The following USP15 variants were observed in gnomAD, a reference collection of about 807,000 sequenced individuals.
USP15 encodes ubiquitin specific peptidase 15.
USP15 carries 18 observed loss-of-function variants against 127.1 expected under a neutral mutation model. That is an observed-to-expected ratio of 0.14 (90% CI 0.10 to 0.21). The LOEUF is 0.21. USP15 is among the 10% of genes least tolerant of loss of function. The pLI is 1.00. For synonymous variants in USP15, 364 were observed against 393.7 expected, an observed-to-expected ratio of 0.92 and a Z score of 0.89; for missense variants, 805 against 1,159.9, an observed-to-expected ratio of 0.69 and a Z score of 4.44.
At chr12:62,285,282 G>C (rs1476752650) in intron 1 of USP15, among the ~76,000 whole-genome samples, 1 of 152,020 alleles carries the variant, frequency 6.6e-6, no homozygotes, top group Non-Finnish European at 1.5e-5. Flanking sequence ...TCCAATGTCT[G>C]TTATTCACGC....
chr12:62,404,573 A>G lies in USP15; in HGVS notation c.*198A>G. ...AAACTTTAACAGAAATTGTCTCTTA[A>G]TACATTTACAGTCTTGTATTTACAA... is the stretch of plus-strand genomic sequence containing the variant. On this transcript the variant is annotated 3_prime_UTR_variant, in exon 22 of 22. Coordinates refer to ENST00000280377, the MANE Select transcript of USP15 (RefSeq NM_001252078.2). 1.7e-6 allele frequency: 1 copy of G among 593,804 alleles called. No individual in the cohort carries two copies. Among genetic ancestry groups the G allele is most frequent in the Non-Finnish European group, 2.5e-6 (1 of 403,722 alleles). 36.8% of individuals were successfully genotyped at this position (593,804 alleles called of 1,614,324 possible).
chr12:62,292,905 G>C (rs1257293554), intron 1 of USP15, among the ~76,000 whole-genome samples: 2 of 152,304 alleles, frequency 1.3e-5, no homozygotes, highest in Admixed American at 1.3e-4. Context: ...CCTGCTGAGT[G>C]GGTGCTGGGG....
At chr12:62,351,543 G>A (rs1227307690) in intron 7 of USP15, among the ~76,000 whole-genome samples, 1 of 151,826 alleles carries the variant, frequency 6.6e-6, no homozygotes, top group Non-Finnish European at 1.5e-5. Flanking sequence ...TTACCATATT[G>A]GTATGAGTGG....
chr12:62,331,704 C>G (rs2137329204), intron 6 of USP15, among the ~76,000 whole-genome samples: 1 of 152,066 alleles, frequency 6.6e-6, no homozygotes, highest in East Asian at 1.9e-4. Context: ...TTTTGGGCTC[C>G]TTGAGAAGAA....
rs34633189 is a variant in USP15, at chr12:62,355,343, A to G, written c.783A>G (p.Ser261=). ...NNMNNRNVKN[S]NYCLPSYTAY... Reference sequence around the variant, plus strand: ...TTTTTTCTTCCAGTGTGAAAAACTCAAATTACTGTCTTCCATCATATACCG... The same window carrying G: ...TTTTTTCTTCCAGTGTGAAAAACTCGAATTACTGTCTTCCATCATATACCG... The change falls in exon 8 of 22, where the codon TCA becomes TCG. Residue 261 remains serine (S), a synonymous_variant. Coordinates refer to ENST00000280377, the MANE Select transcript of USP15 (RefSeq NM_001252078.2). 1 of 1,588,728 alleles carries G rather than the reference A, an allele frequency of 6.3e-7. No individual in the cohort carries two copies. Among genetic ancestry groups the G allele is most frequent in the Non-Finnish European group, 8.5e-7 (1 of 1,170,930 alleles).
chr12:62,271,601 C>T (rs140277019), intron 1 of USP15, among the ~76,000 whole-genome samples: 10 of 151,880 alleles, frequency 6.6e-5, no homozygotes, highest in Admixed American at 2.6e-4. Context: ...CTAATTCTCC[C>T]GGTGTAGAAA....
chr12:62,269,679 C>A (rs1010798418), intron 1 of USP15, among the ~76,000 whole-genome samples: 2 of 152,040 alleles, frequency 1.3e-5, no homozygotes, highest in African/African-American at 2.4e-5. Context: ...CCTTAGTCTT[C>A]CAAAGTGTTG....
At chr12:62,346,194 A>G (rs1354818827) in intron 6 of USP15, among the ~76,000 whole-genome samples, 1 of 152,210 alleles carries the variant, frequency 6.6e-6, no homozygotes, top group Non-Finnish European at 1.5e-5. Context: ...GCTTTATGCA[A>G]ACTTCCCAGT....
chr12:62,405,920 T>C lies in USP15; in HGVS notation c.*1545T>C, dbSNP rs1258917724. On this transcript the variant is annotated 3_prime_UTR_variant, in exon 22 of 22. Transcript: ENST00000280377. Reference sequence around the variant, plus strand: ...GTTGATCATGGCTTTGCTTTATATCTTGATATTAAAGCTGGTTTATCATCC... The same window carrying C: ...GTTGATCATGGCTTTGCTTTATATCCTGATATTAAAGCTGGTTTATCATCC... 6.6e-6 allele frequency: 1 copy of C among 152,420 alleles called. No homozygotes were observed. Among genetic ancestry groups the C allele is most frequent in the East Asian group, 1.9e-4 (1 of 5,204 alleles). 9.4% of individuals were successfully genotyped at this position (152,420 alleles called of 1,614,324 possible). A position where few individuals can be genotyped will look rare whatever the true frequency, so the allele number is the denominator to read the frequency against.
intron 4 of USP15, among the ~76,000 whole-genome samples, 190 bp from the exon 5 acceptor site, chr12:62,321,274 A>G (rs986872063): frequency 3.3e-5 from 5 of 152,160 alleles, no homozygotes; most frequent in Non-Finnish European, 7.4e-5. Flanking sequence ...TGGAGTACAA[A>G]TACCATTTTT....
intron 6 of USP15, among the ~76,000 whole-genome samples, chr12:62,347,201 A>T (rs2065844403): frequency 6.6e-6 from 1 of 152,026 alleles, no homozygotes; most frequent in South Asian, 2.1e-4. Flanking sequence ...ATACAAATTA[A>T]TTCCATGGTA....
At chr12:62,356,060 G>A (rs955644180) in intron 8 of USP15, among the ~76,000 whole-genome samples, 2 of 150,926 alleles carry the variant, frequency 1.3e-5, no homozygotes, top group African/African-American at 4.9e-5. Flanking sequence ...CTGAAGTAAT[G>A]AGAGAGATAT....
At chr12:62,403,646 G>C (rs770889238) in intron 21 of USP15, among the ~76,000 whole-genome samples, 5 of 151,998 alleles carry the variant, frequency 3.3e-5, no homozygotes, top group Admixed American at 1.3e-4. Context: ...GTATATGGCA[G>C]CTAGAAGGGG....
At position 62,391,279 on chromosome 12, in the gene USP15, T is replaced by G; in HGVS notation, c.2083T>G (p.Cys695Gly). The G allele has an allele frequency of 6.2e-7, 1 of 1,613,608 alleles. No individual in the cohort carries two copies. Among genetic ancestry groups the G allele is most frequent in the Non-Finnish European group, 8.5e-7 (1 of 1,179,724 alleles). ...AGATAATGATTCTGAAAATGGATTA[T>G]GTACTGAGGATACTTGCAAAGGTCA... Reference protein sequence around the residue: ...GGDNDSENGLCTEDTCKGQLT... With the variant: ...GGDNDSENGLGTEDTCKGQLT... Residue 695 changes from cysteine (C) to glycine (G), a missense_variant, in exon 16 of 22, where the codon TGT becomes GGT. Physicochemically the swap from Cys to Gly is radical, Grantham distance 159. Around this residue, in one of 11 missense-constraint regions of USP15, gnomAD observed 225 missense variants for 239.5 expected, o/e 0.94. Transcript: ENST00000280377.
In USP15 at chr12:62,321,558, A is replaced by G; in HGVS notation, c.570A>G (p.Pro190=). ...AATACATGAGTAACACATTTGAACC[A>G]CTGAATAAACCAGACAGCACCATTC... ...WNKYMSNTFE[P]LNKPDSTIQD... Residue 190 remains proline (P), a synonymous_variant, in exon 5 of 22, where the codon CCA becomes CCG. Transcript: ENST00000280377. 1.9e-6 allele frequency: 3 copies of G among 1,610,622 alleles called. No individual in the cohort carries two copies. Among genetic ancestry groups the G allele is most frequent in the Non-Finnish European group, 2.5e-6 (3 of 1,178,276 alleles).
intron 8 of USP15, chr12:62,374,272 A>C: frequency 2.0e-6 from 1 of 489,710 alleles, no homozygotes; most frequent in Non-Finnish European, 2.7e-6. Flanking sequence ...GTTAGAAGGT[A>C]TAGCCATTTT....
At chr12:62,359,550 G>A (rs979925681) in intron 8 of USP15, among the ~76,000 whole-genome samples, 2 of 152,080 alleles carry the variant, frequency 1.3e-5, no homozygotes, top group African/African-American at 4.8e-5. Context: ...AATTCAACAA[G>A]TTAAGCAGAA....
In USP15 at chr12:62,413,180, TG is replaced by T. The variant is rs1180172997; in HGVS notation, c.*8808del. On this transcript the variant is annotated 3_prime_UTR_variant, in exon 22 of 22. Transcript: ENST00000280377. ...TTTTCTGAGCAATAGATCTCCGCAG[TG>T]GGCTTAAAATATTTAGTAAACCTTC... 6.6e-6 allele frequency: 1 copy of T among 152,222 alleles called. No homozygotes were observed. The highest frequency in any genetic ancestry group is 1.5e-5 in the Non-Finnish European group (1 of 68,046). 9.4% of individuals were successfully genotyped at this position (152,222 alleles called of 1,614,324 possible).
At chr12:62,333,685 G>A (rs2065371289) in intron 6 of USP15, among the ~76,000 whole-genome samples, 2 of 151,988 alleles carry the variant, frequency 1.3e-5, no homozygotes, top group South Asian at 4.2e-4. Context: ...GTAGAATGGT[G>A]TTTTCTGAGA....
Sources: allele counts gnomAD v4.1 joint callset (sites outside exome capture counted in the v4.1 genomes callset), GRCh38; gene constraint gnomAD v4.1.1; regional missense constraint gnomAD v4.1.1; transcripts MANE v1.5; gene names NCBI Gene and HGNC (gene_info 2026-07-23, HGNC 2026-07-21).